MMRN1: variants seen among roughly 807,000 people sequenced by gnomAD.
MMRN1 encodes the protein multimerin 1.
MMRN1 carries 94 observed loss-of-function variants against 100.7 expected under a neutral mutation model. The ratio of observed to expected loss-of-function variants is 0.93; its 90% CI spans 0.79 to 1.11. The LOEUF is 1.11. Among genes scored for constraint, MMRN1 ranks in the 50% least tolerant of loss-of-function variants. The pLI is 0.00. For synonymous variants in MMRN1, 575 were observed against 505.0 expected (o/e 1.14, Z -1.86); for missense variants, 1,606 against 1,439.1 (o/e 1.12, Z -1.88).
intron 3 of MMRN1, among the ~76,000 whole-genome samples, chr4:89,918,557 C>G (rs937200323): frequency 6.6e-6 from 1 of 151,718 alleles, no homozygotes. Flanking sequence ...TTTCTCTCTC[C>G]CTCTCGTCTA....
chr4:89,918,123 G>A (rs1368986936), intron 3 of MMRN1, among the ~76,000 whole-genome samples: 1 of 150,284 alleles, frequency 6.7e-6, no homozygotes, highest in East Asian at 1.9e-4. Flanking sequence ...ACTAATTTTT[G>A]TTTCAAATAG....
chr4:89,948,055 T>C (rs899841215), intron 6 of MMRN1, among the ~76,000 whole-genome samples: 5 of 152,174 alleles, frequency 3.3e-5, no homozygotes, highest in Non-Finnish European at 7.3e-5. Flanking sequence ...TTTCACCATG[T>C]TAGCCAGGCT....
intron 3 of MMRN1, among the ~76,000 whole-genome samples, chr4:89,918,330 T>A (rs1164362419): frequency 6.6e-6 from 1 of 151,666 alleles, no homozygotes; most frequent in Non-Finnish European, 1.5e-5. Flanking sequence ...TCTGTTAGAG[T>A]GTCATCTCTG....
At chr4:89,925,902 C>T (rs570149319) in intron 4 of MMRN1, among the ~76,000 whole-genome samples, 3 of 152,308 alleles carry the variant, frequency 2.0e-5, no homozygotes, top group African/African-American at 7.2e-5. Context: ...GCTTGTCTTT[C>T]TGTTCCTGGC....
intron 1 of MMRN1, among the ~76,000 whole-genome samples, chr4:89,908,840 T>A (rs935264183): frequency 6.6e-6 from 1 of 151,502 alleles, no homozygotes. Flanking sequence ...CTGCAGCTAA[T>A]AACAGTTCTT....
chr4:89,950,269 T>G (rs1466629126), intron 6 of MMRN1, among the ~76,000 whole-genome samples: 2 of 152,190 alleles, frequency 1.3e-5, no homozygotes, highest in African/African-American at 4.8e-5. Flanking sequence ...AGTCTTTAAA[T>G]TTTTCAAGAA....
At chr4:89,918,011 C>A (rs2110607328) in intron 3 of MMRN1, among the ~76,000 whole-genome samples, 1 of 151,800 alleles carries the variant, frequency 6.6e-6, no homozygotes, top group Admixed American at 6.6e-5. Context: ...CATCTGGCAG[C>A]ATAAATCAAT....
Position 89,917,762 on chromosome 4 carries a change from A to G in MMRN1, c.851-5406A>G, listed in dbSNP as rs181797977. On this transcript the variant is annotated intron_variant, in intron 3 of 7. Coordinates refer to ENST00000264790, the MANE Select transcript of MMRN1 (RefSeq NM_007351.3). ...CCATCAGATTTAGAGTCACTGGGTG[A>G]CATGAGGTCTCAATAAGTTTGTAAT... 4.5e-3 allele frequency among the ~76,000 whole-genome samples: 682 copies of G among 152,006 alleles called. 7 individuals are homozygous for G. Among genetic ancestry groups the G allele is most frequent in the African/African-American group, 0.016 (660 of 41,520 alleles).
chr4:89,899,425 G>A (rs1018214331), intron 1 of MMRN1, among the ~76,000 whole-genome samples: 1 of 152,074 alleles, frequency 6.6e-6, no homozygotes, highest in African/African-American at 2.4e-5. Flanking sequence ...CAATGAACAA[G>A]AACTCCTACA....
chr4:89,926,413 C>A (rs191815644), intron 4 of MMRN1, among the ~76,000 whole-genome samples: 49 of 152,202 alleles, frequency 3.2e-4, no homozygotes, highest in Non-Finnish European at 5.0e-4. Context: ...GCCTGTTTGC[C>A]ATATGTATGT....
chr4:89,907,845 T>C lies in MMRN1; in HGVS notation c.624-1431T>C, dbSNP rs111878299. 5.8e-3 allele frequency among the ~76,000 whole-genome samples: 865 copies of C among 150,376 alleles called. 7 individuals carry two copies. Among genetic ancestry groups the C allele is most frequent in the African/African-American group, 0.02 (828 of 41,010 alleles). ...TGTTTTTTTGTTTTTTTTTTTTCTATTTACTGGATTTTTACTCCATATACT... is the reference window on the plus strand; with the variant it reads ...TGTTTTTTTGTTTTTTTTTTTTCTACTTACTGGATTTTTACTCCATATACT... On this transcript the variant is annotated intron_variant, in intron 1 of 7. Transcript: ENST00000264790.
intron 1 of MMRN1, among the ~76,000 whole-genome samples, chr4:89,888,336 T>A (rs1187431399): frequency 6.6e-6 from 1 of 151,906 alleles, no homozygotes; most frequent in African/African-American, 2.4e-5. Context: ...GGCAAGTTAT[T>A]TTTTTCCTTT....
Position 89,935,537 on chromosome 4 carries a change from A to C in MMRN1, c.1857A>C (p.Gln619His), listed in dbSNP as rs756116480. Residue 619 changes from glutamine to histidine, a missense_variant, in exon 6 of 8, where the codon CAA becomes CAC. Physicochemically the swap from Gln to His is conservative, Grantham distance 24. Transcript: ENST00000264790. ...AAGAGAATTTACATGTGTTAAATCA[A>C]ACATTGGCTGAAGTTCTCTTTCCAA... is the stretch of plus-strand genomic sequence containing the variant. ...DTEENLHVLN[Q>H]TLAEVLFPMD... 1.9e-6 allele frequency: 3 copies of C among 1,613,174 alleles called. No homozygotes were observed. The highest frequency in any genetic ancestry group is 1.7e-6 in the Non-Finnish European group (2 of 1,179,666).
rs1722345259 is a variant in MMRN1, at chr4:89,928,817, C to T, written c.1129+849C>T. On this transcript the variant is annotated intron_variant, in intron 5 of 7. Transcript: ENST00000264790. ...AGAAAAATCTCTCTATCTCAAGGTGCTTAACTTTAATCACAGTTGCCAAGT... is the reference window on the plus strand; with the variant it reads ...AGAAAAATCTCTCTATCTCAAGGTGTTTAACTTTAATCACAGTTGCCAAGT... 2.6e-5 allele frequency among the ~76,000 whole-genome samples: 4 copies of T among 152,224 alleles called. No homozygotes were observed. In the South Asian group the frequency reaches 8.3e-4, roughly 32 times the overall value.
upstream of MMRN1, among the ~76,000 whole-genome samples, chr4:89,893,199 T>G (rs1578461667): frequency 6.6e-6 from 1 of 152,150 alleles, no homozygotes; most frequent in East Asian, 1.9e-4. Context: ...TTTTGCTCCT[T>G]TACTAAGGCA....
Position 89,936,343 on chromosome 4 carries a change from A to C in MMRN1, c.2663A>C (p.Asn888Thr). The change falls in exon 6 of 8, where the codon AAT becomes ACT. Residue 888 changes from asparagine (N) to threonine (T), a missense_variant. Asn to Thr is a moderately conservative substitution (Grantham distance 65, BLOSUM62 0). Transcript: ENST00000264790. ...ISVKKGSVVT[N>T]ERDQALQLQV... is the part of the protein sequence containing the mutation. The stretch of plus-strand genomic sequence containing the variant: ...GTTAAAAAAGGCAGTGTAGTTACAA[A>C]TGAGAGAGATCAGGCTCTTCAACTG... 1 of 1,612,794 alleles carries C rather than the reference A, an allele frequency of 6.2e-7. No homozygotes were observed. Among genetic ancestry groups the C allele is most frequent in the Non-Finnish European group, 8.5e-7 (1 of 1,179,518 alleles).
At position 89,881,516 on chromosome 4, in the gene MMRN1, G is replaced by T. The variant is rs188071344; in HGVS notation, c.-249+1914G>T. Among the ~76,000 whole-genome samples the T allele has an allele frequency of 3.3e-5, 5 of 152,040 alleles. No homozygotes were observed. The East Asian group carries it at 7.7e-4, about 24-fold the overall frequency. On this transcript the variant is annotated intron_variant, in intron 1 of 8. Coordinates refer to the MMRN1 transcript ENST00000394980. ...TATGAATTCTAATGTGTGTATAAAA[G>T]AATTATATGCCTTTTCATTTTCTTG...
chr4:89,919,965 C>T (rs1225547991), intron 3 of MMRN1, among the ~76,000 whole-genome samples: 1 of 152,086 alleles, frequency 6.6e-6, no homozygotes, highest in African/African-American at 2.4e-5. Context: ...TACTAAAACA[C>T]TGACTGTTTC....
chr4:89,886,553 A>T (rs1720940825), intron 1 of MMRN1, among the ~76,000 whole-genome samples: 2 of 152,086 alleles, frequency 1.3e-5, no homozygotes. Context: ...AATTAGGTCC[A>T]ATTGGTTAAT....
Sources: gnomAD v4.1 joint callset for allele counts (sites outside exome capture counted in the v4.1 genomes callset) on GRCh38, gnomAD v4.1.1 for gene constraint, MANE v1.5 for transcripts, NCBI Gene and HGNC (gene_info 2026-07-23, HGNC 2026-07-21) for gene names.